The following EPHA6 variants were observed in gnomAD, a reference collection of about 807,000 sequenced individuals.
EPHA6 encodes EPH receptor A6.
In EPHA6, 50 loss-of-function variants were observed where a neutral mutation model predicts 112.0. The ratio of observed to expected loss-of-function variants is 0.45; its 90% CI spans 0.36 to 0.56. The LOEUF is 0.56. Among genes scored for constraint, EPHA6 ranks in the 20% least tolerant of loss-of-function variants. The pLI, the probability that EPHA6 is intolerant of heterozygous loss-of-function variation, is 0.00. For synonymous variants in EPHA6, 529 were observed against 490.7 expected (o/e 1.08, Z -1.03); for missense variants, 1,280 against 1,417.4 (o/e 0.90, Z 1.56).
chr3:97,136,593 G>A (rs182078399), intron 3 of EPHA6, among the ~76,000 whole-genome samples: 3 of 152,190 alleles, frequency 2.0e-5, no homozygotes, highest in East Asian at 3.9e-4. Context: ...CTCAAGTATG[G>A]TGGCATGTAC....
At chr3:97,181,601 A>T (rs1238563707) in intron 3 of EPHA6, among the ~76,000 whole-genome samples, 2 of 151,736 alleles carry the variant, frequency 1.3e-5, no homozygotes, top group African/African-American at 4.8e-5. Context: ...GTGTGTGTAT[A>T]TATGTGTGTG....
chr3:97,501,489 A>T (rs2092116483), intron 10 of EPHA6, among the ~76,000 whole-genome samples: 1 of 152,060 alleles, frequency 6.6e-6, no homozygotes, highest in African/African-American at 2.4e-5. Flanking sequence ...TTAAGTTAGA[A>T]ATAAATAATA....
chr3:96,906,606 G>A lies in EPHA6; in HGVS notation c.450+39717G>A, dbSNP rs914088092. Among the ~76,000 whole-genome samples, 3 of 152,006 alleles carry A rather than the reference G, an allele frequency of 2.0e-5. No individual in the cohort carries two copies. The East Asian group carries it at 5.8e-4, about 29-fold the overall frequency. Reference sequence around the variant, plus strand: ...TTATTTAGAATATATTTGTGTCTCTGCACCTTTGTCCACAATTTTCAACCA... The same window carrying A: ...TTATTTAGAATATATTTGTGTCTCTACACCTTTGTCCACAATTTTCAACCA... On this transcript the variant is annotated intron_variant, in intron 2 of 17. Coordinates refer to ENST00000389672, the MANE Select transcript of EPHA6 (RefSeq NM_001080448.3).
Position 96,814,648 on chromosome 3 carries a change from G to T in EPHA6, c.25G>T (p.Ala9Ser), listed in dbSNP as rs774575382. The T allele has an allele frequency of 2.0e-6, 3 of 1,471,198 alleles. No homozygotes were observed. The highest frequency in any genetic ancestry group is 4.7e-5 in the Admixed American group (2 of 42,866). The allele number at this position is 1,471,198 out of a possible 1,614,324, so 91.1% of individuals were successfully genotyped here. A position where few individuals can be genotyped will look rare whatever the true frequency, so the allele number is the denominator to read the frequency against. ...GATGCAATTCCCCTCGCCTCCAGCC[G>T]CGAGGAGCTCCCCGGCGCCGCAGGC... MQFPSPPAARSSPAPQAAS... is the reference protein window; with the variant it reads MQFPSPPASRSSPAPQAAS... The change falls in exon 1 of 18, where the codon GCG (alanine) becomes TCG (serine). Residue 9 changes from alanine to serine, a missense_variant. Around this residue, in one of 4 missense-constraint regions of EPHA6, gnomAD observed 220 missense variants for 171.5 expected, o/e 1.28. Transcript: ENST00000389672.
At chr3:97,362,091 G>C (rs891719142) in intron 5 of EPHA6, among the ~76,000 whole-genome samples, 3 of 151,936 alleles carry the variant, frequency 2.0e-5, no homozygotes, top group Admixed American at 6.6e-5. Flanking sequence ...TGTATATTTT[G>C]GTAAAGGAGA....
chr3:97,244,161 G>A lies in EPHA6; in HGVS notation c.1480G>A (p.Val494Met), dbSNP rs756759339. Residue 494 changes from valine (V) to methionine (M), a missense_variant, in exon 5 of 18, where the codon GTG (valine) becomes ATG (methionine). Val to Met is a conservative substitution (Grantham distance 21). Transcript: ENST00000389672. ...ACATACAGGCCTGATCAACAATTCCGTGATAGTACTTGACTTTGTGTCTCA... is the reference window on the plus strand; with the variant it reads ...ACATACAGGCCTGATCAACAATTCCATGATAGTACTTGACTTTGTGTCTCA... ...PRHTGLINNS[V>M]IVLDFVSHVN... The A allele has an allele frequency of 5.6e-6, 9 of 1,613,112 alleles. No homozygotes were observed. Among genetic ancestry groups the A allele is most frequent in the African/African-American group, 1.3e-5 (1 of 74,976 alleles).
chr3:96,925,612 T>TC (rs1426495944), intron 2 of EPHA6, among the ~76,000 whole-genome samples: 1 of 151,590 alleles, frequency 6.6e-6, no homozygotes, highest in Non-Finnish European at 1.5e-5. Context: ...GCTGTTTTTT[T>TC]TTTTTTTCCC....
At chr3:96,892,875 A>G (rs1655104135) in intron 2 of EPHA6, among the ~76,000 whole-genome samples, 3 of 151,760 alleles carry the variant, frequency 2.0e-5, no homozygotes, top group African/African-American at 4.8e-5. Flanking sequence ...ACATATGTCT[A>G]TGTATATTCC....
intron 10 of EPHA6, among the ~76,000 whole-genome samples, chr3:97,530,066 C>T (rs2092678587): frequency 6.6e-6 from 1 of 151,794 alleles, no homozygotes; most frequent in Non-Finnish European, 1.5e-5. Context: ...TCCATACTAT[C>T]AGATTTATTA....
At chr3:97,394,879 A>G (rs569821010) in intron 5 of EPHA6, among the ~76,000 whole-genome samples, 12 of 151,896 alleles carry the variant, frequency 7.9e-5, no homozygotes, top group Middle Eastern at 3.4e-3. Context: ...ATTTTTCAAA[A>G]AATTAAAAAT....
intron 5 of EPHA6, among the ~76,000 whole-genome samples, chr3:97,343,265 T>A (rs544244491): frequency 1.2e-4 from 18 of 152,346 alleles, no homozygotes; most frequent in Non-Finnish European, 2.5e-4. Flanking sequence ...TGTTGTAAAG[T>A]AGCAAAGAAC....
At chr3:97,018,394 C>T (rs2044337893) in intron 3 of EPHA6, among the ~76,000 whole-genome samples, 1 of 151,962 alleles carries the variant, frequency 6.6e-6, no homozygotes, top group Non-Finnish European at 1.5e-5. Flanking sequence ...TCGCAGAGAC[C>T]AGTAGTGGCC....
At chr3:96,843,115 TC>T (rs1198269005) in intron 1 of EPHA6, among the ~76,000 whole-genome samples, 1 of 152,114 alleles carries the variant, frequency 6.6e-6, no homozygotes, top group African/African-American at 2.4e-5. Flanking sequence ...AAACGTCATC[TC>T]TTGTTTTCAG....
chr3:97,133,508 C>T (rs1414759316), intron 3 of EPHA6, among the ~76,000 whole-genome samples: 2 of 151,854 alleles, frequency 1.3e-5, no homozygotes, highest in African/African-American at 2.4e-5. Flanking sequence ...TTTAGAATGA[C>T]TCTAGAGGCT....
At position 96,860,382 on chromosome 3, in the gene EPHA6, A is replaced by G. The variant is rs2035941206; in HGVS notation, c.386-6443A>G. On this transcript the variant is annotated intron_variant, in intron 1 of 17. Transcript: ENST00000389672. ...TATTTTTTTTTAAAGTAACGGTTTCAGTAGTTTCTTTTAGACCTTTCTTCC... is the reference window on the plus strand; with the variant it reads ...TATTTTTTTTTAAAGTAACGGTTTCGGTAGTTTCTTTTAGACCTTTCTTCC... 2.0e-5 allele frequency among the ~76,000 whole-genome samples: 3 copies of G among 151,936 alleles called. No individual in the cohort carries two copies. The South Asian group carries it at 6.2e-4, about 31-fold the overall frequency.
intron 4 of EPHA6, among the ~76,000 whole-genome samples, chr3:97,231,578 T>C (rs751058659): frequency 2.0e-5 from 3 of 152,052 alleles, no homozygotes; most frequent in Non-Finnish European, 4.4e-5. Flanking sequence ...ACCCTCTTTG[T>C]AGGGGAAAGG....
At chr3:96,878,966 G>A (rs564680927) in intron 2 of EPHA6, among the ~76,000 whole-genome samples, 17 of 151,920 alleles carry the variant, frequency 1.1e-4, no homozygotes, top group African/African-American at 3.9e-4. Flanking sequence ...TGAATAAATT[G>A]ATTATTATTT....
chr3:97,497,165 C>T (rs574991129), intron 10 of EPHA6, among the ~76,000 whole-genome samples: 1 of 152,290 alleles, frequency 6.6e-6, no homozygotes, highest in East Asian at 1.9e-4. Flanking sequence ...TGCTCAAAAC[C>T]TGCCAATCAT....
intron 3 of EPHA6, among the ~76,000 whole-genome samples, chr3:97,100,762 T>G (rs766258460): frequency 1.3e-5 from 2 of 152,062 alleles, no homozygotes; most frequent in Non-Finnish European, 2.9e-5. Context: ...AAGTGTTTCC[T>G]ATTATTTCCC....
Sources: gnomAD v4.1 joint callset for allele counts (sites outside exome capture counted in the v4.1 genomes callset) on GRCh38, gnomAD v4.1.1 for gene constraint, gnomAD v4.1.1 regional missense constraint, MANE v1.5 for transcripts, NCBI Gene and HGNC (gene_info 2026-07-23, HGNC 2026-07-21) for gene names.